The following NRCAM variants were observed in gnomAD, a reference collection of about 807,000 sequenced individuals.
NRCAM encodes NgCAM-related cell adhesion molecule.
In NRCAM, 83 loss-of-function variants were observed where a neutral mutation model predicts 156.5. That is an observed-to-expected ratio of 0.53 (90% confidence interval 0.44 to 0.64). The LOEUF is 0.64. Ranked by LOEUF, NRCAM falls within the 30% of genes least tolerant of loss-of-function variation. The probability of loss-of-function intolerance (pLI) is 0.00; values close to 1 mark genes in which losing one functional copy is unlikely to be tolerated. For synonymous variants in NRCAM, 538 were observed against 563.9 expected, an observed-to-expected ratio of 0.95 and a Z score of 0.65; for missense variants, 1,417 against 1,597.3, an observed-to-expected ratio of 0.89 and a Z score of 1.92.
chr7:108,298,669 A>G (rs184102947), intron 3 of NRCAM, among the ~76,000 whole-genome samples: 124 of 151,810 alleles, frequency 8.2e-4, no homozygotes, highest in African/African-American at 2.3e-3. Flanking sequence ...AACCAAAAAA[A>G]CAAAAAAACA....
At chr7:108,351,788 A>T (rs16872495) in intron 2 of NRCAM, among the ~76,000 whole-genome samples, 1 of 151,670 alleles carries the variant, frequency 6.6e-6, no homozygotes, top group African/African-American at 2.4e-5. Context: ...TAAGCTGGCT[A>T]AGGATATTTT....
intron 30 of NRCAM, among the ~76,000 whole-genome samples, chr7:108,163,624 G>A (rs1159243267): frequency 2.0e-5 from 3 of 152,160 alleles, no homozygotes; most frequent in Admixed American, 6.5e-5. Flanking sequence ...TGATAAGAAA[G>A]ACTGGGTAAT....
intron 1 of NRCAM, among the ~76,000 whole-genome samples, chr7:108,431,454 C>G (rs553477382): frequency 3.9e-5 from 6 of 152,262 alleles, no homozygotes; most frequent in African/African-American, 1.4e-4. Context: ...ATTCATAATT[C>G]CTGTCAAAAG....
chr7:108,347,032 G>GTTTTTTTTTT (rs754160030), intron 2 of NRCAM, among the ~76,000 whole-genome samples: 17 of 83,052 alleles, frequency 2.0e-4, no homozygotes, highest in Admixed American at 4.0e-4. Context: ...TTATATTTCT[G>GTTTTTTTTTT]TTTTTTTTTT....
At chr7:108,387,408 G>A (rs571769598) in intron 2 of NRCAM, among the ~76,000 whole-genome samples, 17 of 152,118 alleles carry the variant, frequency 1.1e-4, no homozygotes, top group Admixed American at 1.0e-3. Flanking sequence ...CACTATTTAT[G>A]GATTACTTAT....
intron 3 of NRCAM, among the ~76,000 whole-genome samples, chr7:108,295,799 G>C (rs2154133841): frequency 6.6e-6 from 1 of 152,322 alleles, no homozygotes; most frequent in Non-Finnish European, 1.5e-5. Context: ...AACAGCATTT[G>C]TGACAACCAC....
intron 11 of NRCAM, among the ~76,000 whole-genome samples, chr7:108,218,667 A>G (rs1283521976): frequency 2.0e-5 from 3 of 152,190 alleles, no homozygotes; most frequent in Admixed American, 6.5e-5. Flanking sequence ...CTGAACGACA[A>G]TAGTGACACA....
intron 2 of NRCAM, among the ~76,000 whole-genome samples, chr7:108,339,620 A>C (rs1205899849): frequency 2.0e-5 from 3 of 152,180 alleles, no homozygotes; most frequent in Non-Finnish European, 4.4e-5. Flanking sequence ...TGGGTTAAGA[A>C]AGGCGGGAAA....
chr7:108,176,312 G>C (rs1422368671), intron 27 of NRCAM, 118 bp downstream of exon 27: 7 of 824,920 alleles, frequency 8.5e-6, no homozygotes, highest in African/African-American at 6.9e-5. Context: ...TTACAAATAA[G>C]TGTTTGCGTT....
At chr7:108,253,091 A>G (rs1202652335) in intron 3 of NRCAM, among the ~76,000 whole-genome samples, 1 of 152,248 alleles carries the variant, frequency 6.6e-6, no homozygotes, top group Admixed American at 6.5e-5. Context: ...CGTCTAAGGC[A>G]CTTAGAGTTC....
chr7:108,193,382 C>T (rs1266891869), intron 17 of NRCAM, among the ~76,000 whole-genome samples: 3 of 152,162 alleles, frequency 2.0e-5, no homozygotes. Flanking sequence ...TACAGCATTC[C>T]TTCTAATAGA....
intron 3 of NRCAM, among the ~76,000 whole-genome samples, chr7:108,294,000 C>G (rs1349688732): frequency 6.6e-6 from 1 of 152,090 alleles, no homozygotes; most frequent in African/African-American, 2.4e-5. Context: ...TTCTCATACT[C>G]TTACTAGTTG....
intron 11 of NRCAM, 30 bp downstream of exon 11, chr7:108,223,695 T>G (rs545496030): frequency 1.4e-5 from 15 of 1,089,312 alleles, no homozygotes; most frequent in South Asian, 2.6e-5. Flanking sequence ...TTATAAGAAA[T>G]GTACTTCAGG....
At chr7:108,441,766 A>G (rs1368759315) in intron 1 of NRCAM, among the ~76,000 whole-genome samples, 1 of 152,234 alleles carries the variant, frequency 6.6e-6, no homozygotes, top group African/African-American at 2.4e-5. Context: ...CGTGGGCCAA[A>G]TCTGGCCTGC....
intron 2 of NRCAM, among the ~76,000 whole-genome samples, chr7:108,363,206 G>A (rs1367445175): frequency 2.0e-5 from 3 of 152,148 alleles, no homozygotes; most frequent in Non-Finnish European, 4.4e-5. Context: ...AGAGACATAT[G>A]TTCTGTGAAA....
Position 108,149,851 on chromosome 7 carries a change from A to T in NRCAM, c.*59T>A. ...ATGTTCATAGTATGAGAGGGCTGAC[A>T]AACAAGTGCTTAGGATAAACATTCT... On this transcript the variant is annotated 3_prime_UTR_variant, in exon 33 of 33. Coordinates refer to ENST00000379028, the MANE Select transcript of NRCAM (RefSeq NM_001037132.4). The T allele has an allele frequency of 7.1e-7, 1 of 1,404,880 alleles. No individual in the cohort carries two copies. Among genetic ancestry groups the T allele is most frequent in the Non-Finnish European group, 9.8e-7 (1 of 1,016,284 alleles). 87.0% of individuals were successfully genotyped at this position (1,404,880 alleles called of 1,614,324 possible).
intron 3 of NRCAM, among the ~76,000 whole-genome samples, chr7:108,264,771 A>C (rs904941194): frequency 6.6e-6 from 1 of 152,192 alleles, no homozygotes; most frequent in Non-Finnish European, 1.5e-5. Context: ...CAGAAATCAG[A>C]GCCTGTATCC....
At chr7:108,437,631 T>A (rs931958127) in intron 1 of NRCAM, among the ~76,000 whole-genome samples, 27 of 152,166 alleles carry the variant, frequency 1.8e-4, no homozygotes, top group African/African-American at 6.0e-4. Flanking sequence ...GGCCGTAGAA[T>A]AAAATAATCA....
intron 3 of NRCAM, among the ~76,000 whole-genome samples, chr7:108,279,748 A>T (rs2097782279): frequency 6.6e-6 from 1 of 150,450 alleles, no homozygotes; most frequent in African/African-American, 2.4e-5. Context: ...CCAATTTTTG[A>T]CAGAAGTCTC....
Sources: allele counts gnomAD v4.1 joint callset (sites outside exome capture counted in the v4.1 genomes callset), GRCh38; gene constraint gnomAD v4.1.1; transcripts MANE v1.5; gene names NCBI Gene and HGNC (gene_info 2026-07-23, HGNC 2026-07-21).